The following KCNH5 variants were observed in gnomAD, a reference collection of about 807,000 sequenced individuals.
The protein encoded by KCNH5 is voltage-gated delayed rectifier potassium channel KCNH5.
In KCNH5, 46 loss-of-function variants were observed where a neutral mutation model predicts 96.1. The observed-to-expected ratio is 0.48, with a 90% CI of 0.38 to 0.61. KCNH5 has a LOEUF of 0.61. Among genes scored for constraint, KCNH5 ranks in the 20% least tolerant of loss-of-function variants. The pLI is 0.00. For missense variants in KCNH5, 907 were observed against 1,225.8 expected, an observed-to-expected ratio of 0.74 and a Z score of 3.88; for synonymous variants, 439 against 449.8, an observed-to-expected ratio of 0.98 and a Z score of 0.30.
chr14:62,710,289 A>G (rs969766422), intron 10 of KCNH5, among the ~76,000 whole-genome samples: 1 of 152,220 alleles, frequency 6.6e-6, no homozygotes, highest in African/African-American at 2.4e-5. Flanking sequence ...AACTGTCTGT[A>G]AAGGCCAACA....
intron 10 of KCNH5, among the ~76,000 whole-genome samples, chr14:62,730,342 G>C (rs964944369): frequency 6.6e-6 from 1 of 152,158 alleles, no homozygotes; most frequent in Non-Finnish European, 1.5e-5. Flanking sequence ...AGCTGCTACA[G>C]CATATTTATT....
chr14:62,980,891 G>A lies in KCNH5; in HGVS notation c.923C>T (p.Ala308Val). The change falls in exon 6 of 11, where the codon GCC becomes GTC. Residue 308 changes from alanine (A) to valine (V), a missense_variant. By Grantham distance (64) the Ala-to-Val change is moderately conservative. This residue lies in a region of KCNH5 where 370 missense variants were observed against 561.3 expected (regional missense o/e 0.66). Coordinates refer to ENST00000322893, the MANE Select transcript of KCNH5 (RefSeq NM_139318.5). ...ACTTACCTCATCCACATTTTCAAAG[G>A]CATTGATGATGTCATAAGGTAAACA... ...LSCLPYDIIN[A>V]FENVDEGISS... 1 of 1,613,792 alleles carries A rather than the reference G, an allele frequency of 6.2e-7. No individual in the cohort carries two copies. The highest frequency in any genetic ancestry group is 1.1e-5 in the South Asian group (1 of 90,974).
chr14:62,726,483 T>A (rs1176115712), intron 10 of KCNH5, among the ~76,000 whole-genome samples: 1 of 152,086 alleles, frequency 6.6e-6, no homozygotes, highest in African/African-American at 2.4e-5. Flanking sequence ...AATGAGCATT[T>A]TACCACAAGA....
intron 7 of KCNH5, among the ~76,000 whole-genome samples, chr14:62,901,505 C>G (rs2140093403): frequency 6.6e-6 from 1 of 152,224 alleles, no homozygotes; most frequent in East Asian, 1.9e-4. Flanking sequence ...TGGGTTAATT[C>G]ACTTAGGATA....
chr14:62,970,973 C>T (rs1207501728), intron 6 of KCNH5, among the ~76,000 whole-genome samples: 1 of 152,052 alleles, frequency 6.6e-6, no homozygotes, highest in Non-Finnish European at 1.5e-5. Flanking sequence ...TGTTCCCTCT[C>T]ATCACTTCTT....
In KCNH5 at chr14:62,705,759, T is replaced by A. The variant is rs147532357; in HGVS notation, c.*1749A>T. On this transcript the variant is annotated 3_prime_UTR_variant, in exon 11 of 11. Coordinates refer to ENST00000322893, the MANE Select transcript of KCNH5 (RefSeq NM_139318.5). ...TCAAGTCTGAATGTGATAACATGTC[T>A]TTCAGTTCTAGTGGCTTTGGTTGGG... is the stretch of plus-strand genomic sequence containing the variant. 3.9e-5 allele frequency: 6 copies of A among 152,220 alleles called. No individual in the cohort carries two copies. The highest frequency in any genetic ancestry group is 6.5e-5 in the Admixed American group (1 of 15,284). The allele number at this position is 152,220 out of a possible 1,614,324, so 9.4% of individuals were successfully genotyped here. A position where few individuals can be genotyped will look rare whatever the true frequency, so the allele number is the denominator to read the frequency against.
At chr14:62,997,990 T>G (rs954298959) in intron 4 of KCNH5, among the ~76,000 whole-genome samples, 1 of 151,818 alleles carries the variant, frequency 6.6e-6, no homozygotes, top group Non-Finnish European at 1.5e-5. Flanking sequence ...ATATGGGTAG[T>G]GCTTGCCTCA....
chr14:63,001,291 C>T (rs1388489614), intron 4 of KCNH5, 40 bp downstream of exon 4: 3 of 1,544,092 alleles, frequency 1.9e-6, no homozygotes, highest in African/African-American at 1.4e-5. Flanking sequence ...CTTTTAGCAA[C>T]AGCCTAATTT....
chr14:62,967,327 C>A (rs1890323610), intron 6 of KCNH5, among the ~76,000 whole-genome samples: 1 of 152,034 alleles, frequency 6.6e-6, no homozygotes, highest in African/African-American at 2.4e-5. Context: ...AGCAATCCTC[C>A]TTCCTCTGCC....
At chr14:62,862,104 T>C (rs1888047397) in intron 7 of KCNH5, among the ~76,000 whole-genome samples, 2 of 152,200 alleles carry the variant, frequency 1.3e-5, no homozygotes, top group Admixed American at 1.3e-4. Flanking sequence ...CACCAGCATG[T>C]AAAAGAAGCA....
intron 7 of KCNH5, among the ~76,000 whole-genome samples, chr14:62,920,747 T>C (rs1393945308): frequency 1.3e-5 from 2 of 152,168 alleles, no homozygotes; most frequent in African/African-American, 2.4e-5. Context: ...TTCAAAGCCA[T>C]TAGATCTGGC....
chr14:63,022,027 A>C (rs1403717352), intron 1 of KCNH5, among the ~76,000 whole-genome samples: 1 of 152,084 alleles, frequency 6.6e-6, no homozygotes, highest in Non-Finnish European at 1.5e-5. Context: ...CTCCAAACCA[A>C]ACCTCTTCTG....
In KCNH5 at chr14:62,705,686, G is replaced by C. The variant is rs926041075; in HGVS notation, c.*1822C>G. ...TCTTGTGGGCATGTGAAGTTCAATA[G>C]AAATTCTAAAATAGCAACTGTTTTT... On this transcript the variant is annotated 3_prime_UTR_variant, in exon 11 of 11. Coordinates refer to ENST00000322893, the MANE Select transcript of KCNH5 (RefSeq NM_139318.5). The C allele has an allele frequency of 6.6e-6, 1 of 151,978 alleles. No homozygotes were observed. The highest frequency in any genetic ancestry group is 1.5e-5 in the Non-Finnish European group (1 of 67,894). 9.4% of individuals were successfully genotyped at this position (151,978 alleles called of 1,614,324 possible).
Position 62,978,027 on chromosome 14 carries a change from C to T in KCNH5, c.942+2845G>A, listed in dbSNP as rs184876477. On this transcript the variant is annotated intron_variant, in intron 6 of 10. Coordinates refer to ENST00000322893, the MANE Select transcript of KCNH5 (RefSeq NM_139318.5). ...TACTCAGACACTGACGGGGAAGAGC[C>T]CTGGGGAAATGTGTGAGCCCAGCTT... is the stretch of plus-strand genomic sequence containing the variant. Among the ~76,000 whole-genome samples the T allele has an allele frequency of 5.3e-5, 8 of 152,148 alleles. No homozygotes were observed. The East Asian group carries it at 1.5e-3, about 29-fold the overall frequency.
At chr14:62,750,650 G>C (rs1885477799) in intron 10 of KCNH5, among the ~76,000 whole-genome samples, 1 of 152,162 alleles carries the variant, frequency 6.6e-6, no homozygotes, top group Non-Finnish European at 1.5e-5. Context: ...ATTTCTAAGT[G>C]ATGTTTTACA....
chr14:62,713,620 T>C (rs1189538438), intron 10 of KCNH5, among the ~76,000 whole-genome samples: 1 of 152,238 alleles, frequency 6.6e-6, no homozygotes, highest in Non-Finnish European at 1.5e-5. Context: ...GAAAAGGTGA[T>C]TTAATCATGC....
intron 8 of KCNH5, among the ~76,000 whole-genome samples, chr14:62,839,526 T>C (rs1284952266): frequency 6.6e-6 from 1 of 152,174 alleles, no homozygotes; most frequent in Non-Finnish European, 1.5e-5. Flanking sequence ...CACATATTTA[T>C]TTAGCATTAT....
intron 3 of KCNH5, among the ~76,000 whole-genome samples, chr14:63,003,345 C>T (rs557623739): frequency 3.0e-4 from 44 of 148,320 alleles, no homozygotes; most frequent in Non-Finnish European, 4.7e-4. Context: ...AGTAGAGGAA[C>T]CTGCTGTGGC....
intron 9 of KCNH5, among the ~76,000 whole-genome samples, chr14:62,780,949 A>G (rs772977638): frequency 6.6e-6 from 1 of 152,176 alleles, no homozygotes; most frequent in Non-Finnish European, 1.5e-5. Context: ...TCTGCACTCA[A>G]ACCACAGAGG....
Sources: gnomAD v4.1 joint callset for allele counts (sites outside exome capture counted in the v4.1 genomes callset) on GRCh38, gnomAD v4.1.1 for gene constraint, gnomAD v4.1.1 regional missense constraint, MANE v1.5 for transcripts, NCBI Gene and HGNC (gene_info 2026-07-23, HGNC 2026-07-21) for gene names.